The following ARHGAP15 variants were observed in gnomAD, a reference collection of about 807,000 sequenced individuals.
The protein encoded by ARHGAP15 is rho GTPase-activating protein 15.
Under a neutral mutation model 63.7 loss-of-function variants are expected in ARHGAP15, and 51 were observed. The observed-to-expected ratio is 0.80, with a 90% CI of 0.64 to 1.01. The LOEUF is 1.01. Ranked by LOEUF, ARHGAP15 falls within the 50% of genes least tolerant of loss-of-function variation. The pLI, the probability that ARHGAP15 is intolerant of heterozygous loss-of-function variation, is 0.00. For missense variants in ARHGAP15, 560 were observed against 564.6 expected (o/e 0.99, Z 0.08); for synonymous variants, 191 against 193.8 (o/e 0.99, Z 0.12).
intron 8 of ARHGAP15, among the ~76,000 whole-genome samples, chr2:143,470,591 A>G (rs2105184760): frequency 6.6e-6 from 1 of 150,540 alleles, no homozygotes; most frequent in Admixed American, 6.6e-5. Flanking sequence ...GTACATATAT[A>G]TATGCATGTG....
chr2:143,207,363 A>G (rs1455868281), intron 3 of ARHGAP15, among the ~76,000 whole-genome samples: 2 of 152,080 alleles, frequency 1.3e-5, no homozygotes, highest in African/African-American at 4.8e-5. Flanking sequence ...CCTGCTAAAC[A>G]GAAGCAAAAA....
chr2:143,353,336 C>A (rs1685660123), intron 6 of ARHGAP15, among the ~76,000 whole-genome samples: 1 of 152,028 alleles, frequency 6.6e-6, no homozygotes, highest in Admixed American at 6.6e-5. Context: ...TAAGGACAAC[C>A]AAGATTAGTC....
intron 9 of ARHGAP15, among the ~76,000 whole-genome samples, chr2:143,500,632 A>G (rs961025332): frequency 6.6e-6 from 1 of 152,170 alleles, no homozygotes; most frequent in Non-Finnish European, 1.5e-5. Context: ...TTATATATTT[A>G]TTTACTGCTC....
chr2:143,652,350 A>G (rs1451514902), intron 12 of ARHGAP15, among the ~76,000 whole-genome samples: 2 of 152,054 alleles, frequency 1.3e-5, no homozygotes, highest in African/African-American at 4.8e-5. Context: ...AGCTTTATTT[A>G]CAAAAGAAGG....
At chr2:143,643,167 A>G (rs72992563) in intron 12 of ARHGAP15, among the ~76,000 whole-genome samples, 31,834 of 152,020 alleles carry the variant, frequency 0.21, 3,870 homozygotes, top group Middle Eastern at 0.3. Flanking sequence ...TGTTTTAGAG[A>G]AGATAATGTG....
At chr2:143,475,151 A>C (rs568984092) in intron 8 of ARHGAP15, among the ~76,000 whole-genome samples, 1 of 152,316 alleles carries the variant, frequency 6.6e-6, no homozygotes, top group East Asian at 1.9e-4. Flanking sequence ...CTTCTTTAGA[A>C]ATGTATGTTA....
intron 6 of ARHGAP15, among the ~76,000 whole-genome samples, chr2:143,369,450 G>T (rs989587206): frequency 3.9e-5 from 6 of 152,034 alleles, no homozygotes; most frequent in Non-Finnish European, 7.4e-5. Flanking sequence ...GAGCTTAGAA[G>T]TGGATTAGAA....
At chr2:143,460,121 C>T (rs1225314323) in intron 8 of ARHGAP15, among the ~76,000 whole-genome samples, 1 of 152,118 alleles carries the variant, frequency 6.6e-6, no homozygotes, top group Non-Finnish European at 1.5e-5. Context: ...TCTAGTCTCC[C>T]TCCCTAAGTC....
At chr2:143,509,798 G>A (rs1466009587) in intron 9 of ARHGAP15, among the ~76,000 whole-genome samples, 4 of 152,002 alleles carry the variant, frequency 2.6e-5, no homozygotes, top group Admixed American at 6.6e-5. Flanking sequence ...CGAGGCAGGC[G>A]GATCACGAGC....
chr2:143,279,018 A>G (rs1173339915), intron 6 of ARHGAP15, among the ~76,000 whole-genome samples: 1 of 152,118 alleles, frequency 6.6e-6, no homozygotes, highest in Non-Finnish European at 1.5e-5. Context: ...TAAGTCACTT[A>G]ATCAGGACAC....
At chr2:143,144,230 A>G (rs1335415697) in intron 1 of ARHGAP15, among the ~76,000 whole-genome samples, 1 of 151,962 alleles carries the variant, frequency 6.6e-6, no homozygotes, top group Non-Finnish European at 1.5e-5. Flanking sequence ...GAATATACAC[A>G]TGCATAAAGG....
At chr2:143,684,295 G>C (rs1027806751) in intron 12 of ARHGAP15, among the ~76,000 whole-genome samples, 1 of 152,150 alleles carries the variant, frequency 6.6e-6, no homozygotes, top group Non-Finnish European at 1.5e-5. Flanking sequence ...TGTGGATCCA[G>C]GAGAAATCAA....
At chr2:143,682,872 C>T (rs561442532) in intron 12 of ARHGAP15, 4 of 152,294 alleles carry the variant, frequency 2.6e-5, no homozygotes, top group South Asian at 2.1e-4. Flanking sequence ...GTTATTCTTA[C>T]GAATCCACAA....
chr2:143,259,965 G>A (rs568947817), intron 6 of ARHGAP15, among the ~76,000 whole-genome samples: 3 of 152,168 alleles, frequency 2.0e-5, no homozygotes, highest in African/African-American at 7.2e-5. Context: ...TACATGAGAT[G>A]CTTTAATCCC....
intron 6 of ARHGAP15, among the ~76,000 whole-genome samples, chr2:143,356,680 T>C (rs563649315): frequency 2.0e-5 from 3 of 152,300 alleles, no homozygotes; most frequent in Non-Finnish European, 4.4e-5. Context: ...CTCTGTTTTA[T>C]AACACAATTT....
intron 13 of ARHGAP15, among the ~76,000 whole-genome samples, chr2:143,712,898 C>T (rs1019928452): frequency 1.2e-4 from 18 of 151,902 alleles, no homozygotes; most frequent in African/African-American, 3.9e-4. Context: ...AAAGAACTAA[C>T]CTGGCTTCTT....
rs558055014 is a variant in ARHGAP15, at chr2:143,656,529, C to A, written c.1138+32262C>A. ...CTTCTGTGAGAATAGCTTTTTAGGC[C>A]CCTTGTTCCAAGATGAAAAGACTGT... On this transcript the variant is annotated intron_variant, in intron 12 of 13. Transcript: ENST00000295095. 3.3e-5 allele frequency among the ~76,000 whole-genome samples: 5 copies of A among 152,176 alleles called. No homozygotes were observed. In the South Asian group the frequency reaches 1.0e-3, roughly 32 times the overall value.
intron 12 of ARHGAP15, among the ~76,000 whole-genome samples, chr2:143,635,491 T>G (rs1680267800): frequency 1.3e-5 from 2 of 152,098 alleles, no homozygotes; most frequent in Non-Finnish European, 2.9e-5. Context: ...ATACAAGAAT[T>G]TTCCTTAAAT....
At chr2:143,384,363 G>GT (rs1687179817) in intron 6 of ARHGAP15, among the ~76,000 whole-genome samples, 1 of 151,950 alleles carries the variant, frequency 6.6e-6, no homozygotes, top group African/African-American at 2.4e-5. Flanking sequence ...CGTTAGAAAC[G>GT]TATGTCCCAT....
Sources: gnomAD v4.1 joint callset for allele counts (sites outside exome capture counted in the v4.1 genomes callset) on GRCh38, gnomAD v4.1.1 for gene constraint, MANE v1.5 for transcripts, NCBI Gene and HGNC (gene_info 2026-07-23, HGNC 2026-07-21) for gene names.